CNTN6: variants seen among roughly 807,000 people sequenced by gnomAD.
CNTN6 encodes contactin 6.
Under a neutral mutation model 122.8 loss-of-function variants are expected in CNTN6, and 137 were observed. The ratio of observed to expected loss-of-function variants is 1.12; its 90% confidence interval spans 0.97 to 1.29. The LOEUF is 1.29. CNTN6 is among the 50% of genes most tolerant of loss of function. CNTN6 has a pLI of 0.00. For missense variants in CNTN6, 1,634 were observed against 1,223.4 expected, an observed-to-expected ratio of 1.34 and a Z score of -5.01; for synonymous variants, 570 against 426.0, an observed-to-expected ratio of 1.34 and a Z score of -4.16.
At chr3:1,285,437 C>G (rs967454008) in intron 5 of CNTN6, among the ~76,000 whole-genome samples, 1 of 152,058 alleles carries the variant, frequency 6.6e-6, no homozygotes, top group African/African-American at 2.4e-5. Flanking sequence ...TAGCAGGCAG[C>G]TGGATTATAT....
intron 12 of CNTN6, among the ~76,000 whole-genome samples, chr3:1,366,311 G>C (rs1708211093): frequency 6.6e-6 from 1 of 152,086 alleles, no homozygotes; most frequent in African/African-American, 2.4e-5. Flanking sequence ...GTCTAGCGTA[G>C]TCAACAACTT....
chr3:1,248,241 C>T (rs1233223281), intron 4 of CNTN6, among the ~76,000 whole-genome samples: 1 of 152,070 alleles, frequency 6.6e-6, no homozygotes, highest in East Asian at 1.9e-4. Flanking sequence ...GATGTAAGTA[C>T]ATTTATGTTA....
At chr3:1,316,414 G>C (rs567314107) in intron 7 of CNTN6, among the ~76,000 whole-genome samples, 11 of 151,828 alleles carry the variant, frequency 7.2e-5, no homozygotes, top group African/African-American at 2.2e-4. Context: ...GAGAGAGAGA[G>C]GGAAGGTGCT....
At chr3:1,175,595 A>C (rs2093434670) in intron 2 of CNTN6, among the ~76,000 whole-genome samples, 1 of 152,216 alleles carries the variant, frequency 6.6e-6, no homozygotes, top group African/African-American at 2.4e-5. Flanking sequence ...ATTGTAAAAC[A>C]ATATGAAGTT....
intron 2 of CNTN6, among the ~76,000 whole-genome samples, chr3:1,157,755 G>T (rs953156827): frequency 2.0e-5 from 3 of 152,012 alleles, no homozygotes; most frequent in African/African-American, 7.2e-5. Flanking sequence ...AACATGTGAA[G>T]TTTGTCTTTC....
At chr3:1,395,080 CTGTATGCT>C (rs1302961395) in intron 20 of CNTN6, among the ~76,000 whole-genome samples, 1 of 152,090 alleles carries the variant, frequency 6.6e-6, no homozygotes, top group Non-Finnish European at 1.5e-5. Flanking sequence ...TCTTACCAGC[CTGTATGCT>C]TCAGTGACCC....
intron 2 of CNTN6, among the ~76,000 whole-genome samples, chr3:1,211,967 G>A (rs1022981477): frequency 6.6e-6 from 1 of 152,068 alleles, no homozygotes; most frequent in Non-Finnish European, 1.5e-5. Context: ...TGGTTCATGG[G>A]CCATTCAGAA....
intron 4 of CNTN6, among the ~76,000 whole-genome samples, chr3:1,234,696 A>G (rs1310202499): frequency 2.1e-5 from 3 of 143,530 alleles, no homozygotes; most frequent in African/African-American, 8.4e-5. Flanking sequence ...TTTCTACATC[A>G]GAAAAGAACT....
chr3:1,226,661 T>G (rs576180451), intron 3 of CNTN6, among the ~76,000 whole-genome samples: 16 of 152,328 alleles, frequency 1.1e-4, no homozygotes, highest in African/African-American at 3.8e-4. Context: ...GACTGTCTAC[T>G]CTTCATCAAA....
At chr3:1,296,445 A>G (rs1696255815) in intron 6 of CNTN6, among the ~76,000 whole-genome samples, 1 of 152,158 alleles carries the variant, frequency 6.6e-6, no homozygotes, top group African/African-American at 2.4e-5. Context: ...CAGAAAGTTT[A>G]AGGAAGTCAT....
intron 7 of CNTN6, among the ~76,000 whole-genome samples, chr3:1,314,150 C>G (rs1356384480): frequency 6.6e-6 from 1 of 152,054 alleles, no homozygotes; most frequent in African/African-American, 2.4e-5. Flanking sequence ...AGTGAGATTG[C>G]TTTTCTACAG....
rs184771346 is a variant in CNTN6, at chr3:1,385,637, A to G, written c.2544A>G (p.Lys848=). Residue 848 remains lysine, a synonymous_variant, in exon 20 of 23, where the codon AAA becomes AAG. Transcript: ENST00000446702. Reference sequence around the variant, plus strand: ...TCTTATACTGGACAGATGACTCCAAAGAATCCATGATAGGTAAAATTAGAG... The same window carrying G: ...TCTTATACTGGACAGATGACTCCAAGGAATCCATGATAGGTAAAATTAGAG... ...YEVLYWTDDS[K]ESMIGKIRVS... is the part of the protein sequence containing the mutation. The G allele has an allele frequency of 6.2e-7, 1 of 1,613,966 alleles. No homozygotes were observed. Among genetic ancestry groups the G allele is most frequent in the Admixed American group, 1.7e-5 (1 of 60,002 alleles).
chr3:1,329,008 T>G (rs1559838720), intron 10 of CNTN6, among the ~76,000 whole-genome samples: 2 of 151,614 alleles, frequency 1.3e-5, no homozygotes, highest in Non-Finnish European at 2.9e-5. Flanking sequence ...TCTGATTTAT[T>G]TCAGTTGCTA....
intron 2 of CNTN6, among the ~76,000 whole-genome samples, chr3:1,182,109 A>G (rs1029715730): frequency 6.6e-6 from 1 of 152,062 alleles, no homozygotes; most frequent in East Asian, 1.9e-4. Flanking sequence ...TTTTATATTC[A>G]TTCATTCTAC....
chr3:1,201,372 C>T (rs1178963979), intron 2 of CNTN6, among the ~76,000 whole-genome samples: 1 of 152,008 alleles, frequency 6.6e-6, no homozygotes, highest in Non-Finnish European at 1.5e-5. Context: ...TAAATTCTAC[C>T]CTCCATGAAA....
intron 1 of CNTN6, among the ~76,000 whole-genome samples, chr3:1,102,879 G>A (rs1057156037): frequency 4.0e-5 from 6 of 150,856 alleles, no homozygotes; most frequent in East Asian, 3.9e-4. Context: ...AGGCCGAGGC[G>A]GGCGGATCAC....
chr3:1,328,658 G>A (rs559489920), intron 10 of CNTN6, among the ~76,000 whole-genome samples: 1 of 151,862 alleles, frequency 6.6e-6, no homozygotes, highest in Non-Finnish European at 1.5e-5. Flanking sequence ...AACCTACATT[G>A]AGGACATTCC....
chr3:1,372,946 A>T lies in CNTN6; in HGVS notation c.1777A>T (p.Ile593Phe), dbSNP rs773216863. 23 of 1,555,334 alleles carry T rather than the reference A, an allele frequency of 1.5e-5. No homozygotes were observed. The highest frequency in any genetic ancestry group is 1.9e-5 in the Non-Finnish European group (21 of 1,130,854). The change falls in exon 14 of 23, where the codon ATT becomes TTT. Residue 593 changes from isoleucine (I) to phenylalanine (F), a missense_variant. Physicochemically the swap from Ile to Phe is conservative, Grantham distance 21 (BLOSUM62 0). Transcript: ENST00000446702. Reference protein sequence around the residue: ...LESLSAVADIIVRGPPGPPED... With the variant: ...LESLSAVADIFVRGPPGPPED... ...AAGTTTATCTGCAGTAGCCGATATC[A>T]TTGTTAGAGGTAAGCATAAATGGTG...
chr3:1,304,268 C>G (rs1697947876), intron 7 of CNTN6, among the ~76,000 whole-genome samples: 1 of 142,084 alleles, frequency 7.0e-6, no homozygotes, highest in East Asian at 2.3e-4. Context: ...GCCAATTGTT[C>G]AAGTTCCAGA....
Sources: allele counts gnomAD v4.1 joint callset (sites outside exome capture counted in the v4.1 genomes callset), GRCh38; gene constraint gnomAD v4.1.1; transcripts MANE v1.5; gene names NCBI Gene and HGNC (gene_info 2026-07-23, HGNC 2026-07-21).